Variants in EXTL3 observed in about 807,000 individuals in gnomAD.
The protein encoded by EXTL3 is exostosin-like 3.
Under a neutral mutation model 69.3 loss-of-function variants are expected in EXTL3, and 27 were observed. That is an observed-to-expected ratio of 0.39 (90% CI 0.29 to 0.54). The LOEUF (loss-of-function observed/expected upper bound fraction) is 0.54, where lower values mean the gene tolerates loss of function less well. EXTL3 is among the 20% of genes least tolerant of loss of function. EXTL3 has a pLI of 0.69. For missense variants in EXTL3, 1,003 were observed against 1,231.8 expected (o/e 0.81, Z 2.78); for synonymous variants, 511 against 499.4 (o/e 1.02, Z -0.31).
rs140658004 is a variant in EXTL3, at chr8:28,750,863, C to T, written c.2757C>T (p.Ile919=). ...ACAAGACCAAGTGCTTCAAGTTCAT[C>T]TAGGGGCAGCGCACGGTCTGGGGAA... The part of the protein sequence containing the change: ...PHDKTKCFKF[I] Residue 919 remains isoleucine, a synonymous_variant, in exon 7 of 7, where the codon ATC becomes ATT. Coordinates refer to ENST00000220562, the MANE Select transcript of EXTL3 (RefSeq NM_001440.4). The surrounding 1 kb of genome is among the most constrained non-coding windows in gnomAD (Gnocchi z 5.2). 1.9e-6 allele frequency: 3 copies of T among 1,613,600 alleles called. No homozygotes were observed. Among genetic ancestry groups the T allele is most frequent in the African/African-American group, 1.3e-5 (1 of 74,930 alleles).
chr8:28,708,539 T>A (rs1204464015), intron 1 of EXTL3, among the ~76,000 whole-genome samples: 1 of 152,110 alleles, frequency 6.6e-6, no homozygotes, highest in East Asian at 1.9e-4. Context: ...CTGTCTTGCC[T>A]TGACAGGCTG....
chr8:28,666,126 C>T (rs73669847), intron 1 of EXTL3, among the ~76,000 whole-genome samples: 5,711 of 152,326 alleles, frequency 0.037, 348 homozygotes, highest in African/African-American at 0.13. Flanking sequence ...TATTATTTCA[C>T]TCTTTTTCAA....
intron 4 of EXTL3, among the ~76,000 whole-genome samples, chr8:28,732,194 A>C (rs532261681): frequency 1.2e-4 from 18 of 152,252 alleles, no homozygotes; most frequent in African/African-American, 4.3e-4. Flanking sequence ...CACTGCAGGG[A>C]AGAGGATGGA....
chr8:28,740,667 A>G (rs1801757065), intron 5 of EXTL3: 1 of 152,168 alleles, frequency 6.6e-6, no homozygotes, highest in Admixed American at 6.5e-5. Flanking sequence ...ACAGCTGTCA[A>G]GTTTTTTTCT....
chr8:28,718,333 A>G lies in EXTL3; in HGVS notation c.2148+126A>G, dbSNP rs1238596788. Reference sequence around the variant, plus strand: ...GAGGAGAATACATGCATACTCATGAAAAACCTGTATAGATTCCTTTCTTCC... The same window carrying G: ...GAGGAGAATACATGCATACTCATGAGAAACCTGTATAGATTCCTTTCTTCC... On this transcript the variant is annotated intron_variant, in intron 3 of 6. Transcript: ENST00000220562. 8.5e-6 allele frequency: 8 copies of G among 944,932 alleles called. No individual in the cohort carries two copies. In the Admixed American group the frequency reaches 1.6e-4, roughly 19 times the overall value. 58.5% of individuals were successfully genotyped at this position (944,932 alleles called of 1,614,324 possible).
At chr8:28,617,869 A>T (rs1806348498), upstream of EXTL3, among the ~76,000 whole-genome samples, 5 of 152,228 alleles carry the variant, frequency 3.3e-5, no homozygotes, top group Admixed American at 3.3e-4. Flanking sequence ...TGAAAATACT[A>T]TACTGAAAGA....
chr8:28,745,475 G>T (rs924408433), intron 6 of EXTL3, among the ~76,000 whole-genome samples: 2 of 152,212 alleles, frequency 1.3e-5, no homozygotes, highest in Non-Finnish European at 2.9e-5. Flanking sequence ...ACAGTGGTAG[G>T]TCTCATATTA....
intron 2 of EXTL3, among the ~76,000 whole-genome samples, chr8:28,613,529 T>C (rs1415793635): frequency 6.6e-6 from 1 of 152,244 alleles, no homozygotes; most frequent in Non-Finnish European, 1.5e-5. Flanking sequence ...CCGCTGCTTC[T>C]ATTTTCTGGA....
At chr8:28,686,629 A>C (rs1281368789) in intron 1 of EXTL3, among the ~76,000 whole-genome samples, 1 of 152,228 alleles carries the variant, frequency 6.6e-6, no homozygotes, top group African/African-American at 2.4e-5. Flanking sequence ...AGGAAAAAAG[A>C]AAACGTTGAA....
intron 1 of EXTL3, among the ~76,000 whole-genome samples, chr8:28,641,673 A>C (rs1806744454): frequency 6.6e-6 from 1 of 151,646 alleles, no homozygotes; most frequent in Non-Finnish European, 1.5e-5. Context: ...GGGTTTCACC[A>C]TGTTGGTCAG....
intron 4 of EXTL3, among the ~76,000 whole-genome samples, chr8:28,735,156 G>C (rs968236833): frequency 2.0e-5 from 3 of 152,028 alleles, no homozygotes; most frequent in African/African-American, 7.3e-5. Flanking sequence ...AAGGAAAAAA[G>C]CCATGCAGTA....
intron 1 of EXTL3, chr8:28,631,490 C>T (rs1018594076): frequency 6.6e-6 from 1 of 152,160 alleles, no homozygotes; most frequent in African/African-American, 2.4e-5. Context: ...CAGAGGATCC[C>T]TTGGCATGAA....
chr8:28,745,403 A>G (rs1301214753), intron 6 of EXTL3, among the ~76,000 whole-genome samples: 2 of 152,208 alleles, frequency 1.3e-5, no homozygotes, highest in Non-Finnish European at 2.9e-5. Flanking sequence ...TAATGTATCA[A>G]TTTTTTTAAA....
intron 1 of EXTL3, among the ~76,000 whole-genome samples, chr8:28,656,084 A>G (rs186428123): frequency 2.2e-4 from 34 of 152,304 alleles, no homozygotes; most frequent in Admixed American, 2.2e-3. Flanking sequence ...AGCAACTGCC[A>G]TTAAAACTTA....
At chr8:28,671,066 C>T (rs578119389) in intron 1 of EXTL3, among the ~76,000 whole-genome samples, 4 of 151,820 alleles carry the variant, frequency 2.6e-5, no homozygotes, top group African/African-American at 4.8e-5. Context: ...CTGCAGCCTC[C>T]GCCTCCCGGG....
chr8:28,639,461 T>C (rs1585225791), intron 1 of EXTL3, among the ~76,000 whole-genome samples: 1 of 152,168 alleles, frequency 6.6e-6, no homozygotes, highest in East Asian at 1.9e-4. Context: ...GTAAATCTGG[T>C]CCCATCCCTT....
chr8:28,680,357 TC>T (rs1393891455), intron 1 of EXTL3, among the ~76,000 whole-genome samples: 1 of 132,786 alleles, frequency 7.5e-6, no homozygotes, highest in Admixed American at 8.3e-5. Flanking sequence ...ACCATTGCAC[TC>T]CAGCCTGGGC....
chr8:28,714,810 A>G (rs1428043816), intron 2 of EXTL3, among the ~76,000 whole-genome samples: 2 of 152,350 alleles, frequency 1.3e-5, no homozygotes, highest in African/African-American at 2.4e-5. Context: ...TGCACTTTGT[A>G]TCACAGCAAC....
chr8:28,622,492 G>C (rs1240818969), upstream of EXTL3, among the ~76,000 whole-genome samples: 4 of 152,108 alleles, frequency 2.6e-5, no homozygotes, highest in Non-Finnish European at 5.9e-5. Flanking sequence ...GCCGCGAGAA[G>C]GCGGGCCCGG....
Sources: gnomAD v4.1 joint callset for allele counts (sites outside exome capture counted in the v4.1 genomes callset) on GRCh38, gnomAD v4.1.1 for gene constraint, Gnocchi (gnomAD v3.1) non-coding constraint, MANE v1.5 for transcripts, NCBI Gene and HGNC (gene_info 2026-07-23, HGNC 2026-07-21) for gene names.